The following STRN variants were observed in gnomAD, a reference collection of about 807,000 sequenced individuals.
The protein encoded by STRN is protein phosphatase 2 regulatory subunit B'''alpha.
A neutral mutation model predicts 96.3 loss-of-function variants in STRN; 53 were observed. The ratio of observed to expected loss-of-function variants is 0.55; its 90% confidence interval spans 0.44 to 0.69. The LOEUF (loss-of-function observed/expected upper bound fraction) is 0.69, where lower values mean the gene tolerates loss of function less well. Among genes scored for constraint, STRN ranks in the 30% least tolerant of loss-of-function variants. The probability of loss-of-function intolerance (pLI) is 0.00; values close to 1 mark genes in which losing one functional copy is unlikely to be tolerated. For synonymous variants in STRN, 428 were observed against 355.9 expected (o/e 1.20, Z -2.28); for missense variants, 987 against 963.9 (o/e 1.02, Z -0.32).
chr2:36,879,846 T>C (rs775675681), intron 9 of STRN, among the ~76,000 whole-genome samples: 1 of 152,192 alleles, frequency 6.6e-6, no homozygotes, highest in Non-Finnish European at 1.5e-5. Flanking sequence ...AATGAAAGAA[T>C]TGGCCAGGCT....
intron 3 of STRN, among the ~76,000 whole-genome samples, chr2:36,908,871 C>T (rs1309062325): frequency 6.6e-6 from 1 of 152,038 alleles, no homozygotes; most frequent in African/African-American, 2.4e-5. Flanking sequence ...ATCCCAACTA[C>T]TCAGGAGGCT....
In STRN at chr2:36,938,786, T is replaced by C. The variant is rs368989324; in HGVS notation, c.235-13578A>G. On this transcript the variant is annotated intron_variant, in intron 1 of 17. Coordinates refer to ENST00000263918, the MANE Select transcript of STRN (RefSeq NM_003162.4). ...ATTTTTCATGTAATCATCCTTTATATCTTACTTAGCAAGTTCTCTATTAGA... is the reference window on the plus strand; with the variant it reads ...ATTTTTCATGTAATCATCCTTTATACCTTACTTAGCAAGTTCTCTATTAGA... Among the ~76,000 whole-genome samples the C allele has an allele frequency of 5.3e-5, 8 of 152,342 alleles. No individual in the cohort carries two copies. The East Asian group carries it at 1.3e-3, about 26-fold the overall frequency.
chr2:36,879,704 T>C (rs933896688), intron 9 of STRN, among the ~76,000 whole-genome samples: 1 of 152,186 alleles, frequency 6.6e-6, no homozygotes, highest in Non-Finnish European at 1.5e-5. Flanking sequence ...ATTTAGTAGT[T>C]CAAACCCTAG....
chr2:36,931,028 C>A (rs1385175011), intron 1 of STRN, among the ~76,000 whole-genome samples: 1 of 148,580 alleles, frequency 6.7e-6, no homozygotes, highest in Non-Finnish European at 1.5e-5. Context: ...GCAAAATTGC[C>A]TCAAAAAAAA....
rs116462077 is a variant in STRN, at chr2:36,894,717, T to C, written c.796-684A>G. ...TTACTCACTTCATGCAAAACAGAAA[T>C]AACATGATAGGATCAAATGTTATCG... On this transcript the variant is annotated intron_variant, in intron 6 of 17. Transcript: ENST00000263918. Among the ~76,000 whole-genome samples, 52 of 152,318 alleles carry C rather than the reference T, an allele frequency of 3.4e-4. 1 individual carries two copies. Among genetic ancestry groups the C allele is most frequent in the African/African-American group, 1.3e-3 (52 of 41,566 alleles).
chr2:36,877,170 G>A lies in STRN; in HGVS notation c.1323+721C>T, dbSNP rs531240095. ...AGCCTTAACATCTGGAAAGCACACT[G>A]TATACATCCATGCCTACTACTAATT... On this transcript the variant is annotated intron_variant, in intron 10 of 17. Coordinates refer to ENST00000263918, the MANE Select transcript of STRN (RefSeq NM_003162.4). 1.3e-3 allele frequency among the ~76,000 whole-genome samples: 202 copies of A among 152,298 alleles called. 1 individual carries two copies. Among genetic ancestry groups the A allele is most frequent in the Non-Finnish European group, 2.3e-3 (155 of 68,030 alleles).
At chr2:36,887,042 GACACACACACACACACACACAC>G (rs70946957) in intron 7 of STRN, among the ~76,000 whole-genome samples, 2 of 144,792 alleles carry the variant, frequency 1.4e-5, no homozygotes, top group South Asian at 2.2e-4. Context: ...TCTCCTGAAA[GACACACACACACACACACACAC>G]ACACACACAC....
At chr2:36,933,073 C>A (rs1476209660) in intron 1 of STRN, among the ~76,000 whole-genome samples, 2 of 151,370 alleles carry the variant, frequency 1.3e-5, no homozygotes, top group African/African-American at 4.9e-5. Flanking sequence ...CACACACACA[C>A]ACACACACAC....
Position 36,840,067 on chromosome 2 carries a change from A to C in STRN, c.*9389T>G, listed in dbSNP as rs542379911. On this transcript the variant is annotated 3_prime_UTR_variant, in exon 18 of 18. Transcript: ENST00000263918. ...TGTCCCAGAATTTTCCTCTCCAAAG[A>C]AAGCTCCCCAGAGGGATGCCTTTCC... 5 of 152,354 alleles carry C rather than the reference A, an allele frequency of 3.3e-5. No homozygotes were observed. The highest frequency in any genetic ancestry group is 2.0e-4 in the Admixed American group (3 of 15,302). The allele number at this position is 152,354 out of a possible 1,614,324, so 9.4% of individuals were successfully genotyped here.
intron 12 of STRN, among the ~76,000 whole-genome samples, chr2:36,866,618 C>T (rs1170930178): frequency 6.6e-5 from 10 of 152,180 alleles, no homozygotes; most frequent in African/African-American, 2.4e-5. Context: ...TGATCTAATA[C>T]ATCAGTGGGG....
chr2:36,917,517 C>T (rs1670135461), intron 2 of STRN, among the ~76,000 whole-genome samples: 1 of 139,684 alleles, frequency 7.2e-6, no homozygotes, highest in Admixed American at 7.4e-5. Flanking sequence ...CAGTGAGACC[C>T]TGTCTCAAAA....
rs1055919321 is a variant in STRN at position 36,840,884 on chromosome 2, G to C, written c.*8572C>G. On this transcript the variant is annotated 3_prime_UTR_variant, in exon 18 of 18. Transcript: ENST00000263918. ...AAAATCCAGAAGATTTTGAAATGCA[G>C]GAGATAAACATCACATATTCCTTAT... The C allele has an allele frequency of 2.6e-5, 4 of 152,122 alleles. No homozygotes were observed. Among genetic ancestry groups the C allele is most frequent in the African/African-American group, 9.7e-5 (4 of 41,418 alleles). 9.4% of individuals were successfully genotyped at this position (152,122 alleles called of 1,614,324 possible).
chr2:36,887,552 T>G (rs1225883491), intron 7 of STRN, among the ~76,000 whole-genome samples: 1 of 151,996 alleles, frequency 6.6e-6, no homozygotes, highest in Admixed American at 6.6e-5. Flanking sequence ...TTGTATTAAT[T>G]TATGTGATGA....
intron 10 of STRN, among the ~76,000 whole-genome samples, 155 bp downstream of exon 10, chr2:36,877,736 A>G (rs745373243): frequency 6.6e-6 from 1 of 152,182 alleles, no homozygotes; most frequent in Non-Finnish European, 1.5e-5. Flanking sequence ...GCGTTTCTCA[A>G]TGTTGGCCAG....
At chr2:36,928,947 C>CAA (rs57198345) in intron 1 of STRN, among the ~76,000 whole-genome samples, 60 of 68,002 alleles carry the variant, frequency 8.8e-4, no homozygotes, top group African/African-American at 2.4e-3. Context: ...GACTCCGTCT[C>CAA]AAAAAAAAAA....
chr2:36,963,245 A>C (rs1665072230), intron 1 of STRN, among the ~76,000 whole-genome samples: 1 of 152,216 alleles, frequency 6.6e-6, no homozygotes, highest in Non-Finnish European at 1.5e-5. Flanking sequence ...ATTGCCTTTC[A>C]CAAGTCTTCC....
At chr2:36,886,908 A>C in intron 7 of STRN, 82 bp from the exon 8 acceptor site, 1 of 1,069,256 alleles carries the variant, frequency 9.4e-7, no homozygotes, top group Non-Finnish European at 1.3e-6. Context: ...ATGACGTAAC[A>C]ACCACTTTCT....
intron 1 of STRN, among the ~76,000 whole-genome samples, chr2:36,964,413 T>G (rs558902677): frequency 1.3e-5 from 2 of 152,296 alleles, no homozygotes; most frequent in East Asian, 3.9e-4. Context: ...TAACATTTCC[T>G]TGAATCCTGA....
chr2:36,880,385 A>G (rs1477594543), intron 9 of STRN, among the ~76,000 whole-genome samples: 2 of 152,178 alleles, frequency 1.3e-5, no homozygotes, highest in Non-Finnish European at 2.9e-5. Context: ...GGCTACAGTG[A>G]GCTATGACTG....
Sources: gnomAD v4.1 joint callset for allele counts (sites outside exome capture counted in the v4.1 genomes callset) on GRCh38, gnomAD v4.1.1 for gene constraint, MANE v1.5 for transcripts, NCBI Gene and HGNC (gene_info 2026-07-23, HGNC 2026-07-21) for gene names.